EDIL3: variants seen among roughly 807,000 people sequenced by gnomAD.
The protein encoded by EDIL3 is EGF like and discoidin domains 3, also known as EGF-like repeat and discoidin I-like domain-containing protein 3.
EDIL3 carries 37 observed loss-of-function variants against 67.4 expected under a neutral mutation model. That is an observed-to-expected ratio of 0.55 (90% CI 0.42 to 0.72). The LOEUF is 0.72. Ranked by LOEUF, EDIL3 falls within the 30% of genes least tolerant of loss-of-function variation. The pLI is 0.00. For synonymous variants in EDIL3, 195 were observed against 196.3 expected (o/e 0.99, Z 0.05); for missense variants, 527 against 586.3 (o/e 0.90, Z 1.04).
intron 4 of EDIL3, among the ~76,000 whole-genome samples, chr5:84,141,940 TATATATACATAG>T (rs1238039906): frequency 3.6e-4 from 32 of 87,706 alleles, no homozygotes; most frequent in East Asian, 3.1e-3. Context: ...TATATATATA[TATATATACATAG>T]ATCTATCTAT....
At chr5:84,339,270 C>T (rs1222379837) in intron 1 of EDIL3, among the ~76,000 whole-genome samples, 1 of 152,134 alleles carries the variant, frequency 6.6e-6, no homozygotes, top group African/African-American at 2.4e-5. Flanking sequence ...GCCTCTACTT[C>T]ATAGGGCAGT....
At chr5:84,382,404 A>G (rs1748097813) in intron 1 of EDIL3, among the ~76,000 whole-genome samples, 1 of 152,188 alleles carries the variant, frequency 6.6e-6, no homozygotes, top group South Asian at 2.1e-4. Flanking sequence ...AATCAGACCC[A>G]GCCAGGCAAG....
At chr5:84,366,637 T>C (rs931511904) in intron 1 of EDIL3, among the ~76,000 whole-genome samples, 1 of 152,228 alleles carries the variant, frequency 6.6e-6, no homozygotes, top group East Asian at 1.9e-4. Flanking sequence ...ACTGTTCTAT[T>C]GTATCAGAAA....
At chr5:84,225,843 G>A (rs1287123806) in intron 3 of EDIL3, among the ~76,000 whole-genome samples, 1 of 151,412 alleles carries the variant, frequency 6.6e-6, no homozygotes, top group Non-Finnish European at 1.5e-5. Context: ...TATCCACTAG[G>A]AACTTACATT....
rs375315764 is a variant in EDIL3 at position 84,383,961 on chromosome 5, C to T, written c.67+347G>A. Among the ~76,000 whole-genome samples, 13 of 152,244 alleles carry T rather than the reference C, an allele frequency of 8.5e-5. No homozygotes were observed. The South Asian group carries it at 1.7e-3, about 19-fold the overall frequency. On this transcript the variant is annotated intron_variant, in intron 1 of 10. Transcript: ENST00000296591. ...AGCCCTGCCCGACGTCTGCAGTCAG[C>T]ATCGCCCGCACTGCCTAGGGAGGGT... is the stretch of plus-strand genomic sequence containing the variant.
chr5:84,377,697 CAA>C (rs1345524408), intron 1 of EDIL3, among the ~76,000 whole-genome samples: 1 of 152,164 alleles, frequency 6.6e-6, no homozygotes, highest in African/African-American at 2.4e-5. Context: ...TATCATCTAA[CAA>C]GAGATTAAAA....
At chr5:84,015,538 G>A (rs16900820) in intron 9 of EDIL3, among the ~76,000 whole-genome samples, 5 of 151,986 alleles carry the variant, frequency 3.3e-5, no homozygotes, top group African/African-American at 9.7e-5. Context: ...AGATAGTTTT[G>A]TACAAAAGTG....
At chr5:84,335,868 G>A (rs1203876593) in intron 1 of EDIL3, among the ~76,000 whole-genome samples, 2 of 152,154 alleles carry the variant, frequency 1.3e-5, no homozygotes, top group African/African-American at 2.4e-5. Context: ...AGATCAAGAT[G>A]TCAGCATATT....
chr5:84,083,574 G>A (rs1421086512), intron 6 of EDIL3, among the ~76,000 whole-genome samples: 1 of 151,926 alleles, frequency 6.6e-6, no homozygotes, highest in East Asian at 1.9e-4. Flanking sequence ...CCATGCTAGG[G>A]TACTAGCTAA....
chr5:84,282,752 T>C (rs1455323646), intron 1 of EDIL3, among the ~76,000 whole-genome samples: 1 of 152,224 alleles, frequency 6.6e-6, no homozygotes, highest in Non-Finnish European at 1.5e-5. Flanking sequence ...CAGCTTTTTA[T>C]TATCTGTGAA....
chr5:84,259,683 T>A (rs1745189805), intron 1 of EDIL3, among the ~76,000 whole-genome samples: 1 of 152,168 alleles, frequency 6.6e-6, no homozygotes, highest in Non-Finnish European at 1.5e-5. Context: ...CTGCATGAAA[T>A]CAACATTGTC....
chr5:84,298,600 C>T (rs1746095310), intron 1 of EDIL3, among the ~76,000 whole-genome samples: 1 of 152,140 alleles, frequency 6.6e-6, no homozygotes, highest in South Asian at 2.1e-4. Context: ...ACCTGCAAAT[C>T]CTGCACATGT....
rs764338611 is a variant in EDIL3, at chr5:84,137,196, C to T, written c.469+45G>A. ...GTGTGTGTATACATACACACACACA[C>T]ACACACACACACACACACACACATA... On this transcript the variant is annotated intron_variant, in intron 5 of 10. Transcript: ENST00000296591. 430 of 1,336,326 alleles carry T rather than the reference C, an allele frequency of 3.2e-4. No homozygotes were observed. Among genetic ancestry groups the T allele is most frequent in the African/African-American group, 2.1e-3 (145 of 67,542 alleles). 82.8% of individuals were successfully genotyped at this position (1,336,326 alleles called of 1,614,324 possible).
chr5:84,304,376 A>C (rs536582806), intron 1 of EDIL3, among the ~76,000 whole-genome samples: 1 of 152,276 alleles, frequency 6.6e-6, no homozygotes, highest in East Asian at 1.9e-4. Context: ...TGGAGTATGG[A>C]GCTTTCTCAA....
At chr5:84,305,787 G>A (rs940846172) in intron 1 of EDIL3, among the ~76,000 whole-genome samples, 11 of 152,078 alleles carry the variant, frequency 7.2e-5, no homozygotes, top group African/African-American at 2.2e-4. Flanking sequence ...GCTGAGGCAG[G>A]AGAATTGCTT....
intron 3 of EDIL3, among the ~76,000 whole-genome samples, chr5:84,228,305 T>C (rs981999407): frequency 1.3e-5 from 2 of 152,126 alleles, no homozygotes; most frequent in Non-Finnish European, 2.9e-5. Context: ...TTGAATTATG[T>C]GTCAAGTATA....
At chr5:84,112,206 T>C (rs1747577239) in intron 5 of EDIL3, among the ~76,000 whole-genome samples, 1 of 152,186 alleles carries the variant, frequency 6.6e-6, no homozygotes, top group African/African-American at 2.4e-5. Flanking sequence ...ATTTAGATCA[T>C]TCCCACTGTG....
At chr5:84,207,008 C>T (rs1025822694) in intron 3 of EDIL3, among the ~76,000 whole-genome samples, 1 of 152,114 alleles carries the variant, frequency 6.6e-6, no homozygotes, top group Non-Finnish European at 1.5e-5. Context: ...CCCTCTCTCA[C>T]CACTCCTATT....
intron 2 of EDIL3, among the ~76,000 whole-genome samples, chr5:84,242,064 C>CA (rs397702402): frequency 0.65 from 79,262 of 122,136 alleles, 25,106 homozygotes; most frequent in East Asian, 0.79. Context: ...ACTAAAAGTA[C>CA]AAAAAAAAAA....
Sources: allele counts gnomAD v4.1 joint callset (sites outside exome capture counted in the v4.1 genomes callset), GRCh38; gene constraint gnomAD v4.1.1; transcripts MANE v1.5; gene names NCBI Gene and HGNC (gene_info 2026-07-23, HGNC 2026-07-21).